PTPRA: variants seen among roughly 807,000 people sequenced by gnomAD.
The protein encoded by PTPRA is protein tyrosine phosphatase receptor type A.
Under a neutral mutation model 104.8 loss-of-function variants are expected in PTPRA, and 25 were observed. That is an observed-to-expected ratio of 0.24 (90% CI 0.17 to 0.33). The LOEUF is 0.33. Ranked by LOEUF, PTPRA falls within the 10% of genes least tolerant of loss-of-function variation. The pLI is 1.00. For missense variants in PTPRA, 765 were observed against 1,015.3 expected (o/e 0.75, Z 3.35); for synonymous variants, 323 against 368.9 (o/e 0.88, Z 1.43).
intron 2 of PTPRA, among the ~76,000 whole-genome samples, chr20:2,932,563 G>C (rs980503347): frequency 3.3e-5 from 5 of 152,214 alleles, no homozygotes; most frequent in Non-Finnish European, 7.3e-5. Flanking sequence ...TAAAAAGGAT[G>C]AGGGAATCTC....
At chr20:2,900,855 C>T (rs1382792746) in intron 1 of PTPRA, among the ~76,000 whole-genome samples, 1 of 129,316 alleles carries the variant, frequency 7.7e-6, no homozygotes, top group Non-Finnish European at 1.7e-5. Flanking sequence ...GAAACTCCAT[C>T]TCAAAAAAAA....
At position 2,973,929 on chromosome 20, in the gene PTPRA, A is replaced by G. The variant is rs545260024; in HGVS notation, c.416-1286A>G. 2.1e-3 allele frequency among the ~76,000 whole-genome samples: 306 copies of G among 148,706 alleles called. 2 individuals are homozygous for G. The highest frequency in any genetic ancestry group is 0.013 in the South Asian group (60 of 4,640). Reference sequence around the variant, plus strand: ...ATTGTTATTTTTAAGGTATTTTTCCATTTTGGGTTTTTTGTTTGTCTGATT... The same window carrying G: ...ATTGTTATTTTTAAGGTATTTTTCCGTTTTGGGTTTTTTGTTTGTCTGATT... On this transcript the variant is annotated intron_variant, in intron 5 of 23. Coordinates refer to ENST00000399903, the MANE Select transcript of PTPRA (RefSeq NM_001385305.1).
chr20:2,865,840 G>A, the PTPRA span: 2 of 458,894 alleles, frequency 4.4e-6, no homozygotes, highest in Non-Finnish European at 7.9e-6. The surrounding 1 kb of genome is among the most constrained non-coding windows in gnomAD (Gnocchi z 5.2). Context: ...AGATACTGAG[G>A]GCTGTTTTCT....
At chr20:2,938,298 C>T (rs751980706) in intron 2 of PTPRA, among the ~76,000 whole-genome samples, 7 of 152,124 alleles carry the variant, frequency 4.6e-5, no homozygotes, top group South Asian at 2.1e-4. Flanking sequence ...AATTCTCCTG[C>T]GTCAGCCACC....
chr20:3,004,821 C>G (rs1485410440), intron 9 of PTPRA, among the ~76,000 whole-genome samples: 1 of 152,224 alleles, frequency 6.6e-6, no homozygotes. Flanking sequence ...ACTTACATAA[C>G]AGAAAGGGCA....
intron 9 of PTPRA, 62 bp from the exon 10 acceptor site, chr20:3,004,994 C>A: frequency 2.1e-6 from 3 of 1,421,594 alleles, no homozygotes; most frequent in Non-Finnish European, 3.0e-6. Flanking sequence ...TTTGGTGCAG[C>A]AGTTTGCATG....
At chr20:2,999,514 G>A (rs1310122926) in intron 9 of PTPRA, among the ~76,000 whole-genome samples, 6 of 152,156 alleles carry the variant, frequency 3.9e-5, no homozygotes, top group Admixed American at 3.9e-4. Flanking sequence ...TAGACAGATC[G>A]ACCAGTGGAA....
intron 2 of PTPRA, among the ~76,000 whole-genome samples, chr20:2,946,753 C>G (rs2061147269): frequency 6.6e-6 from 1 of 151,782 alleles, no homozygotes; most frequent in African/African-American, 2.4e-5. Context: ...GAGGCTGAGG[C>G]AGGAGAATCG....
intron 2 of PTPRA, among the ~76,000 whole-genome samples, chr20:2,939,544 AG>A (rs1326458263): frequency 6.6e-6 from 1 of 152,156 alleles, no homozygotes; most frequent in Non-Finnish European, 1.5e-5. Context: ...TTGTCTGCTG[AG>A]CTGCCCCTTT....
rs796527339 is a variant in PTPRA at position 3,006,712 on chromosome 20, C to T, written c.830-632C>T. Among the ~76,000 whole-genome samples the T allele has an allele frequency of 3.9e-5, 6 of 152,342 alleles. 1 individual carries two copies. The highest frequency in any genetic ancestry group is 3.4e-3 in the Middle Eastern group (1 of 294). On this transcript the variant is annotated intron_variant, in intron 10 of 23. Coordinates refer to ENST00000399903, the MANE Select transcript of PTPRA (RefSeq NM_001385305.1). ...GCACGATCTTGGCTCACTGCAGGCT[C>T]TACCTCCTGGGTTCAAGCCATTTTC...
At chr20:2,908,966 T>A (rs2059526389) in intron 1 of PTPRA, among the ~76,000 whole-genome samples, 1 of 152,176 alleles carries the variant, frequency 6.6e-6, no homozygotes, top group South Asian at 2.1e-4. Flanking sequence ...TATAACTTTG[T>A]GACTGTGATT....
At chr20:3,013,070 G>A (rs764493918) in intron 11 of PTPRA, among the ~76,000 whole-genome samples, 1 of 152,100 alleles carries the variant, frequency 6.6e-6, no homozygotes, top group African/African-American at 2.4e-5. Flanking sequence ...TTACACTCTA[G>A]CTGTTGCCCC....
chr20:3,002,660 C>T (rs1367235871), intron 9 of PTPRA, among the ~76,000 whole-genome samples: 1 of 152,180 alleles, frequency 6.6e-6, no homozygotes, highest in Admixed American at 6.5e-5. Context: ...GAATATGTCT[C>T]AAATGCATCC....
chr20:3,004,999 T>G, intron 9 of PTPRA, 57 bp from the exon 10 acceptor site: 5 of 1,454,080 alleles, frequency 3.4e-6, no homozygotes, highest in Non-Finnish European at 4.8e-6. Context: ...TGCAGCAGTT[T>G]GCATGTTTGA....
intron 6 of PTPRA, among the ~76,000 whole-genome samples, chr20:2,983,004 G>A (rs1173142610): frequency 6.6e-6 from 1 of 152,088 alleles, no homozygotes. Flanking sequence ...GGCCGTAACA[G>A]CTAAAATGAA....
chr20:2,980,418 CTT>C (rs1348574972), intron 6 of PTPRA, among the ~76,000 whole-genome samples: 2 of 151,698 alleles, frequency 1.3e-5, no homozygotes, highest in Non-Finnish European at 2.9e-5. Context: ...AAATACAAAA[CTT>C]AGCCAGGCCT....
intron 3 of PTPRA, among the ~76,000 whole-genome samples, chr20:2,954,725 T>C (rs1013390040): frequency 6.6e-6 from 1 of 152,244 alleles, no homozygotes; most frequent in Admixed American, 6.5e-5. Context: ...GTCTGTGTTT[T>C]GTTTTGTTGC....
chr20:2,992,317 G>C lies in PTPRA; in HGVS notation c.738+3843G>C, dbSNP rs1247937476. Among the ~76,000 whole-genome samples, 3 of 152,146 alleles carry C rather than the reference G, an allele frequency of 2.0e-5. No homozygotes were observed. The East Asian group carries it at 5.8e-4, about 29-fold the overall frequency. ...AGATCACCTGAGGTCAGAAGTTCAA[G>C]ACCAGCCTGGCCAACATGGTGAAAC... On this transcript the variant is annotated intron_variant, in intron 9 of 23. Transcript: ENST00000399903.
chr20:3,028,417 G>A (rs772351592), intron 20 of PTPRA, among the ~76,000 whole-genome samples: 9 of 152,086 alleles, frequency 5.9e-5, no homozygotes, highest in Non-Finnish European at 7.4e-5. Flanking sequence ...AGAGCTGTCC[G>A]GAAACTCATA....
Sources: allele counts gnomAD v4.1 joint callset (sites outside exome capture counted in the v4.1 genomes callset), GRCh38; gene constraint gnomAD v4.1.1; non-coding constraint Gnocchi (gnomAD v3.1); transcripts MANE v1.5; gene names NCBI Gene and HGNC (gene_info 2026-07-23, HGNC 2026-07-21).